Variants in SH3BP5 observed in about 807,000 individuals in gnomAD.
The protein encoded by SH3BP5 is SH3 domain-binding protein 5.
A neutral mutation model predicts 43.3 loss-of-function variants in SH3BP5; 22 were observed. That is an observed-to-expected ratio of 0.51 (90% CI 0.36 to 0.73). SH3BP5 has a LOEUF of 0.73. SH3BP5 is among the 30% of genes least tolerant of loss of function. The pLI, the probability that SH3BP5 is intolerant of heterozygous loss-of-function variation, is 0.00. For synonymous variants in SH3BP5, 255 were observed against 225.8 expected (o/e 1.13, Z -1.16); for missense variants, 529 against 586.9 (o/e 0.90, Z 1.02).
intron 3 of SH3BP5, among the ~76,000 whole-genome samples, chr3:15,291,977 C>T (rs1384158299): frequency 6.6e-6 from 1 of 152,118 alleles, no homozygotes; most frequent in Non-Finnish European, 1.5e-5. Context: ...AGAAGGTGCA[C>T]CAAGAGTGCA....
At chr3:15,258,408 C>T (rs1403859035) in intron 7 of SH3BP5, 1 of 206,784 alleles carries the variant, frequency 4.8e-6, no homozygotes, top group African/African-American at 2.5e-5. Context: ...GGATAGTATA[C>T]AGTAGATAGC....
intron 2 of SH3BP5, among the ~76,000 whole-genome samples, chr3:15,315,769 A>G (rs560771385): frequency 6.6e-6 from 1 of 152,284 alleles, no homozygotes; most frequent in African/African-American, 2.4e-5. Context: ...TTCCATAACC[A>G]AAGGGAAGTG....
intron 3 of SH3BP5, chr3:15,273,080 C>T: frequency 2.1e-6 from 2 of 971,512 alleles, no homozygotes; most frequent in African/African-American, 1.8e-5. Context: ...ACCTTAAAAG[C>T]CACTCCACCC....
At chr3:15,283,963 A>G (rs1697197330) in intron 3 of SH3BP5, among the ~76,000 whole-genome samples, 1 of 152,200 alleles carries the variant, frequency 6.6e-6, no homozygotes, top group South Asian at 2.1e-4. Flanking sequence ...GAAACTGGTG[A>G]AGGCACTGGT....
chr3:15,328,378 C>T (rs912319881), intron 2 of SH3BP5, among the ~76,000 whole-genome samples: 19 of 150,578 alleles, frequency 1.3e-4, no homozygotes, highest in Non-Finnish European at 5.9e-5. Context: ...GAACAGTGGC[C>T]GGCACATAGT....
At chr3:15,297,938 T>C (rs1341008788) in intron 3 of SH3BP5, among the ~76,000 whole-genome samples, 1 of 151,864 alleles carries the variant, frequency 6.6e-6, no homozygotes, top group Non-Finnish European at 1.5e-5. Flanking sequence ...GTTGGCTTCA[T>C]AGCAAAAGCT....
chr3:15,282,431 A>G (rs1697156314), intron 3 of SH3BP5, among the ~76,000 whole-genome samples: 1 of 152,144 alleles, frequency 6.6e-6, no homozygotes, highest in Admixed American at 6.6e-5. Context: ...AAAGTTTACA[A>G]AATTGCTTCT....
chr3:15,310,099 G>A (rs2125119814), intron 2 of SH3BP5, among the ~76,000 whole-genome samples: 1 of 152,210 alleles, frequency 6.6e-6, no homozygotes, highest in East Asian at 1.9e-4. Context: ...GATGTGACAG[G>A]GCCTGGCCAC....
intron 3 of SH3BP5, among the ~76,000 whole-genome samples, chr3:15,293,952 C>T (rs6774321): frequency 0.018 from 2,792 of 151,804 alleles, 92 homozygotes; most frequent in African/African-American, 0.064. Flanking sequence ...GTGGTGTGCA[C>T]CTGTAGTCTC....
In SH3BP5 at chr3:15,274,290, G is replaced by T. The variant is rs368805097; in HGVS notation, c.331-4413C>A. On this transcript the variant is annotated intron_variant, in intron 3 of 8. Transcript: ENST00000383791. ...AAGAAAGAAAGAAATACCTGAGACT[G>T]CGTAATTTATAAAGAAAAGAGGCTT... Among the ~76,000 whole-genome samples the T allele has an allele frequency of 2.0e-5, 3 of 151,932 alleles. No individual in the cohort carries two copies. The East Asian group carries it at 5.8e-4, about 29-fold the overall frequency.
chr3:15,316,461 G>A (rs935611187), intron 2 of SH3BP5, among the ~76,000 whole-genome samples: 6 of 152,034 alleles, frequency 3.9e-5, no homozygotes, highest in Admixed American at 1.3e-4. Context: ...CTGACCTCGT[G>A]ATCCGCTGGC....
At chr3:15,328,671 T>C (rs184683122) in intron 2 of SH3BP5, among the ~76,000 whole-genome samples, 5 of 152,108 alleles carry the variant, frequency 3.3e-5, no homozygotes, top group Non-Finnish European at 5.9e-5. Context: ...ACCCAGGAGT[T>C]TGAGGTTGCA....
chr3:15,296,369 C>CAA (rs879847873), intron 3 of SH3BP5, among the ~76,000 whole-genome samples: 1 of 150,914 alleles, frequency 6.6e-6, no homozygotes, highest in Admixed American at 6.6e-5. Context: ...CACACACACA[C>CAA]CCCTATCCAG....
At chr3:15,318,219 G>A (rs1267307187) in intron 2 of SH3BP5, among the ~76,000 whole-genome samples, 2 of 152,078 alleles carry the variant, frequency 1.3e-5, no homozygotes, top group African/African-American at 4.8e-5. Context: ...TTTTACTTAG[G>A]TGCCATTATT....
In SH3BP5 at chr3:15,329,668, G is replaced by A. The variant is rs1041009933; in HGVS notation, c.201+836C>T. 4.6e-5 allele frequency among the ~76,000 whole-genome samples: 7 copies of A among 152,146 alleles called. No individual in the cohort carries two copies. The East Asian group carries it at 9.6e-4, about 21-fold the overall frequency. ...TGTGCTTCTTGTCCCTTCCACTGAC[G>A]TTTGCTATTTCTCCTGCTACAGAAA... On this transcript the variant is annotated intron_variant, in intron 2 of 8. Transcript: ENST00000383791.
At chr3:15,285,515 CTTCTT>C (rs1307842651) in intron 3 of SH3BP5, among the ~76,000 whole-genome samples, 34 of 152,326 alleles carry the variant, frequency 2.2e-4, no homozygotes, top group African/African-American at 7.9e-4. Flanking sequence ...AGTTTCTGTA[CTTCTT>C]TTGTCAGTTT....
In SH3BP5 at chr3:15,293,921, T is replaced by C. The variant is rs1697485075; in HGVS notation, c.330+10182A>G. On this transcript the variant is annotated intron_variant, in intron 3 of 8. Transcript: ENST00000383791. ...GACGAAATCCTGTCTCTACTAAAAATACAAAAATTAGCCTGGTGTGGTGGT... is the reference window on the plus strand; with the variant it reads ...GACGAAATCCTGTCTCTACTAAAAACACAAAAATTAGCCTGGTGTGGTGGT... Among the ~76,000 whole-genome samples the C allele has an allele frequency of 2.0e-5, 3 of 151,486 alleles. No homozygotes were observed. In the South Asian group the frequency reaches 6.2e-4, roughly 32 times the overall value.
rs529742548 is a variant in SH3BP5, at chr3:15,297,797, G to T, written c.330+6306C>A. Among the ~76,000 whole-genome samples the T allele has an allele frequency of 2.0e-5, 3 of 152,066 alleles. No homozygotes were observed. The East Asian group carries it at 5.8e-4, about 29-fold the overall frequency. Reference sequence around the variant, plus strand: ...CAACTGCTTGACAGATAAGGCCAAGGTCAGCCAGCCCCCAGCTAATCCATC... The same window carrying T: ...CAACTGCTTGACAGATAAGGCCAAGTTCAGCCAGCCCCCAGCTAATCCATC... On this transcript the variant is annotated intron_variant, in intron 3 of 8. Transcript: ENST00000383791.
In SH3BP5 at chr3:15,305,776, T is replaced by C. The variant is rs11715760; in HGVS notation, c.202-1545A>G. Among the ~76,000 whole-genome samples, 1,274 of 152,008 alleles carry C rather than the reference T, an allele frequency of 8.4e-3. 8 individuals carry two copies. The highest frequency in any genetic ancestry group is 0.013 in the Non-Finnish European group (905 of 67,968). On this transcript the variant is annotated intron_variant, in intron 2 of 8. Coordinates refer to ENST00000383791, the MANE Select transcript of SH3BP5 (RefSeq NM_004844.5). ...GAATGGCAAGAGATAAGGGTGGCCA[T>C]CCATCCTGGCGACAGCAACTAGCAA...
Sources: allele counts gnomAD v4.1 joint callset (sites outside exome capture counted in the v4.1 genomes callset), GRCh38; gene constraint gnomAD v4.1.1; transcripts MANE v1.5; gene names NCBI Gene and HGNC (gene_info 2026-07-23, HGNC 2026-07-21).